The following ZNF777 variants were observed in gnomAD, a reference collection of about 807,000 sequenced individuals.
ZNF777 encodes the protein zinc finger protein 777.
A neutral mutation model predicts 72.1 loss-of-function variants in ZNF777; 7 were observed. That is an observed-to-expected ratio of 0.10 (90% CI 0.06 to 0.18). ZNF777 has a LOEUF of 0.18. Among genes scored for constraint, ZNF777 ranks in the 10% least tolerant of loss-of-function variants. ZNF777 has a pLI of 1.00. For synonymous variants in ZNF777, 545 were observed against 483.5 expected (o/e 1.13, Z -1.67); for missense variants, 828 against 1,128.6 (o/e 0.73, Z 3.82).
chr7:149,456,158 C>T, intron 1 of ZNF777, 121 bp from the exon 2 acceptor site: 1 of 1,054,546 alleles, frequency 9.5e-7, no homozygotes, highest in Non-Finnish European at 1.3e-6. Flanking sequence ...AATATGTGCC[C>T]CTCATATGTG....
chr7:149,460,282 C>A lies in ZNF777; in HGVS notation c.-16+533G>T. The A allele has an allele frequency of 6.1e-6, 1 of 164,612 alleles. No individual in the cohort carries two copies. Among genetic ancestry groups the A allele is most frequent in the Non-Finnish European group, 1.2e-5 (1 of 82,732 alleles). The allele number at this position is 164,612 out of a possible 1,614,324, so 10.2% of individuals were successfully genotyped here. ...GCCGGCCCAGCCCTGTCTTCCCCGC[C>A]GGGGCTCGCGCGCGGCCGTCGGGCC... On this transcript the variant is annotated intron_variant, in intron 1 of 5. Transcript: ENST00000247930. This position sits in a 1 kb window ranked among gnomAD's most constrained non-coding sequence, Gnocchi z 6.1.
chr7:149,438,518 G>A (rs527311158), intron 4 of ZNF777, among the ~76,000 whole-genome samples: 2 of 152,268 alleles, frequency 1.3e-5, no homozygotes, highest in African/African-American at 4.8e-5. Context: ...AGCAGACACT[G>A]AGCACCAACT....
chr7:149,431,590 C>T lies in ZNF777; in HGVS notation c.*186G>A, dbSNP rs1482335453. On this transcript the variant is annotated 3_prime_UTR_variant, in exon 6 of 6. Coordinates refer to ENST00000247930, the MANE Select transcript of ZNF777 (RefSeq NM_015694.3). ...CTCCCCCCTGGGGCCCCCGGGGAAA[C>T]GCGGCAGCAAGGGACCTGGTCTCAC... The T allele has an allele frequency of 6.4e-6, 4 of 622,380 alleles. No homozygotes were observed. The highest frequency in any genetic ancestry group is 2.7e-5 in the Admixed American group (1 of 37,252). 38.6% of individuals were successfully genotyped at this position (622,380 alleles called of 1,614,324 possible). A position where few individuals can be genotyped will look rare whatever the true frequency, so the allele number is the denominator to read the frequency against.
chr7:149,453,374 G>A (rs1799761216), intron 3 of ZNF777, among the ~76,000 whole-genome samples: 1 of 152,182 alleles, frequency 6.6e-6, no homozygotes, highest in African/African-American at 2.4e-5. Context: ...AAGTTTCTAT[G>A]TGACAACACA....
intron 4 of ZNF777, among the ~76,000 whole-genome samples, chr7:149,449,456 G>A (rs1173011881): frequency 1.3e-5 from 2 of 152,228 alleles, no homozygotes; most frequent in African/African-American, 2.4e-5. Context: ...AGCAGACAGA[G>A]AAAGGGGATC....
intron 4 of ZNF777, among the ~76,000 whole-genome samples, chr7:149,448,593 A>AAC (rs1554494036): frequency 1.9e-5 from 2 of 104,808 alleles, no homozygotes; most frequent in African/African-American, 8.2e-5. Flanking sequence ...ATATATATAT[A>AAC]TATATATATA....
At chr7:149,449,311 G>A (rs535435291) in intron 4 of ZNF777, among the ~76,000 whole-genome samples, 12 of 152,222 alleles carry the variant, frequency 7.9e-5, no homozygotes, top group South Asian at 2.1e-4. Flanking sequence ...CTGTGAGGCC[G>A]CTTCTTCCAG....
chr7:149,441,377 T>G lies in ZNF777; in HGVS notation c.1088-4551A>C, dbSNP rs143860176. The stretch of plus-strand genomic sequence containing the variant: ...TCAAACTCCTGATGAACAAAAAAAT[T>G]TATGTATAAATAAGAAATTCATACC... On this transcript the variant is annotated intron_variant, in intron 4 of 5. Transcript: ENST00000247930. 7.0e-4 allele frequency among the ~76,000 whole-genome samples: 107 copies of G among 152,326 alleles called. 2 individuals carry two copies. In the East Asian group the frequency reaches 0.016, roughly 22 times the overall value.
At chr7:149,448,459 G>C (rs1289798699) in intron 4 of ZNF777, among the ~76,000 whole-genome samples, 4 of 123,826 alleles carry the variant, frequency 3.2e-5, no homozygotes, top group African/African-American at 1.4e-4. Flanking sequence ...AACAAAGTGA[G>C]GCTCCATCTC....
chr7:149,440,609 C>T (rs1799494344), intron 4 of ZNF777, among the ~76,000 whole-genome samples: 1 of 151,334 alleles, frequency 6.6e-6, no homozygotes, highest in Non-Finnish European at 1.5e-5. Context: ...CTTCCCATCT[C>T]GGCCTCCCAC....
At position 149,437,665 on chromosome 7, in the gene ZNF777, T is replaced by C. The variant is rs556520396; in HGVS notation, c.1088-839A>G. Among the ~76,000 whole-genome samples, 3 of 152,290 alleles carry C rather than the reference T, an allele frequency of 2.0e-5. No individual in the cohort carries two copies. The East Asian group carries it at 5.8e-4, about 29-fold the overall frequency. ...TTTTAGTGCAGTATTTTTTTCCATC[T>C]AATCTGCCTTCCCCTTCCCTTACTT... On this transcript the variant is annotated intron_variant, in intron 4 of 5. Coordinates refer to ENST00000247930, the MANE Select transcript of ZNF777 (RefSeq NM_015694.3).
At chr7:149,452,160 G>A (rs1300919265) in intron 3 of ZNF777, among the ~76,000 whole-genome samples, 2 of 152,102 alleles carry the variant, frequency 1.3e-5, no homozygotes, top group Non-Finnish European at 2.9e-5. Context: ...AGCTACTCGG[G>A]AGGCTGAGGC....
At chr7:149,449,316 T>C (rs1395327491) in intron 4 of ZNF777, among the ~76,000 whole-genome samples, 2 of 152,258 alleles carry the variant, frequency 1.3e-5, no homozygotes, top group Non-Finnish European at 2.9e-5. Context: ...AGGCCGCTTC[T>C]TCCAGCAGAA....
At chr7:149,442,606 T>A in intron 4 of ZNF777, among the ~76,000 whole-genome samples, 1 of 147,520 alleles carries the variant, frequency 6.8e-6, no homozygotes, top group African/African-American at 2.5e-5. Flanking sequence ...GGCAACAGAG[T>A]GAGACTCTGT....
intron 3 of ZNF777, among the ~76,000 whole-genome samples, chr7:149,452,290 C>CA (rs561903953): frequency 1.5e-4 from 21 of 136,712 alleles, no homozygotes; most frequent in Non-Finnish European, 2.7e-4. Flanking sequence ...AACAAACAAA[C>CA]AAAAAAAGAT....
In ZNF777 at chr7:149,455,384, C is replaced by T. The variant is rs199585345; in HGVS notation, c.639G>A (p.Thr213=). The change falls in exon 2 of 6, where the codon ACG becomes ACA. Residue 213 remains threonine (T), a synonymous_variant. Transcript: ENST00000247930. The surrounding 1 kb of genome is among the most constrained non-coding windows in gnomAD (Gnocchi z 4.2). The part of the protein sequence containing the change: ...AMRLLTLEGR[T]GTNEKKIADC... ...CGGCTATCTTCTTTTCATTTGTCCCCGTCCTGCCTTCCAGGGTCAGTAGCC... is the reference window on the plus strand; with the variant it reads ...CGGCTATCTTCTTTTCATTTGTCCCTGTCCTGCCTTCCAGGGTCAGTAGCC... The T allele has an allele frequency of 5.0e-6, 8 of 1,614,224 alleles. No individual in the cohort carries two copies. Among genetic ancestry groups the T allele is most frequent in the Non-Finnish European group, 6.8e-6 (8 of 1,180,048 alleles).
At position 149,451,109 on chromosome 7, in the gene ZNF777, T is replaced by C; in HGVS notation, c.977A>G (p.Tyr326Cys). 1 of 1,613,564 alleles carries C rather than the reference T, an allele frequency of 6.2e-7. No homozygotes were observed. Among genetic ancestry groups the C allele is most frequent in the East Asian group, 2.2e-5 (1 of 44,870 alleles). The change falls in exon 4 of 6, where the codon TAT becomes TGT. Residue 326 changes from tyrosine (Y) to cysteine (C), a missense_variant. Tyr to Cys is a radical substitution (Grantham distance 194, BLOSUM62 -2). This residue lies in a region of ZNF777 where 73 missense variants were observed against 90.6 expected (regional missense o/e 0.81). Transcript: ENST00000247930. Reference protein sequence around the residue: ...GNYESLVSMDYAISKPDLMSQ... With the variant: ...GNYESLVSMDCAISKPDLMSQ... ...CATGAGGTCTGGTTTGGAAATTGCA[T>C]AGTCTAGGCAGAAGAAAGGGAAAAA...
chr7:149,438,081 G>A (rs547782342), intron 4 of ZNF777, among the ~76,000 whole-genome samples: 39 of 151,808 alleles, frequency 2.6e-4, no homozygotes, highest in African/African-American at 8.5e-4. Context: ...GGGTTTCACC[G>A]TGTTAGCCAG....
chr7:149,434,205 ACCT>A (rs1375418086), intron 5 of ZNF777, among the ~76,000 whole-genome samples: 2 of 152,116 alleles, frequency 1.3e-5, no homozygotes, highest in African/African-American at 2.4e-5. Context: ...CACCTGGTCT[ACCT>A]CCTCAAGTAA....
Sources: gnomAD v4.1 joint callset for allele counts (sites outside exome capture counted in the v4.1 genomes callset) on GRCh38, gnomAD v4.1.1 for gene constraint, gnomAD v4.1.1 regional missense constraint, Gnocchi (gnomAD v3.1) non-coding constraint, MANE v1.5 for transcripts, NCBI Gene and HGNC (gene_info 2026-07-23, HGNC 2026-07-21) for gene names.